KALRN: variants seen among roughly 807,000 people sequenced by gnomAD.
KALRN encodes kalirin RhoGEF kinase.
KALRN carries 70 observed loss-of-function variants against 353.7 expected under a neutral mutation model. That is an observed-to-expected ratio of 0.20 (90% CI 0.16 to 0.24). The LOEUF (loss-of-function observed/expected upper bound fraction) is 0.24, where lower values mean the gene tolerates loss of function less well. Ranked by LOEUF, KALRN falls within the 10% of genes least tolerant of loss-of-function variation. The pLI is 1.00. For synonymous variants in KALRN, 1,391 were observed against 1,434.8 expected (o/e 0.97, Z 0.69); for missense variants, 2,791 against 3,756.7 (o/e 0.74, Z 6.72).
chr3:124,655,159 C>G (rs952765475), intron 38 of KALRN, among the ~76,000 whole-genome samples: 1 of 152,204 alleles, frequency 6.6e-6, no homozygotes, highest in Non-Finnish European at 1.5e-5. Flanking sequence ...AAATGTCTTT[C>G]TCTTCTTGTT....
intron 57 of KALRN, among the ~76,000 whole-genome samples, chr3:124,703,517 T>C (rs2062447661): frequency 6.6e-6 from 1 of 152,368 alleles, no homozygotes; most frequent in African/African-American, 2.4e-5. Context: ...AGATCGGTTA[T>C]TGCTATGTTG....
intron 28 of KALRN, among the ~76,000 whole-genome samples, chr3:124,484,917 A>G (rs2062385543): frequency 6.6e-6 from 1 of 152,142 alleles, no homozygotes; most frequent in Non-Finnish European, 1.5e-5. Context: ...CAGCCTGGCC[A>G]ACATGGCGAA....
At chr3:124,100,340 C>G (rs2061761292) in intron 1 of KALRN, 3 of 152,172 alleles carry the variant, frequency 2.0e-5, no homozygotes, top group African/African-American at 7.2e-5. Context: ...TGTCTCTTCA[C>G]TCTGTTGATT....
At chr3:124,535,737 A>G (rs2068451926) in intron 33 of KALRN, among the ~76,000 whole-genome samples, 1 of 152,246 alleles carries the variant, frequency 6.6e-6, no homozygotes. Flanking sequence ...TTGGCTGCAT[A>G]TAAAAGAAAA....
At chr3:124,237,552 G>C (rs539438059) in intron 3 of KALRN, among the ~76,000 whole-genome samples, 1 of 151,990 alleles carries the variant, frequency 6.6e-6, no homozygotes, top group African/African-American at 2.4e-5. Context: ...TATTAGAGAT[G>C]GGGTTTCACT....
chr3:124,075,622 T>G (rs2060222518), intron 1 of KALRN, among the ~76,000 whole-genome samples: 1 of 152,212 alleles, frequency 6.6e-6, no homozygotes, highest in Non-Finnish European at 1.5e-5. Flanking sequence ...ATGTTTGCTT[T>G]CTTGAGGGTC....
chr3:124,441,841 A>C (rs1235584826), intron 18 of KALRN, 104 bp from the exon 19 acceptor site: 2 of 701,992 alleles, frequency 2.8e-6, no homozygotes, highest in Non-Finnish European at 4.6e-6. Context: ...AGAAAAAAAA[A>C]AAAAGCAAAA....
chr3:124,429,750 A>G (rs1560911911), intron 15 of KALRN, among the ~76,000 whole-genome samples: 1 of 152,236 alleles, frequency 6.6e-6, no homozygotes, highest in Non-Finnish European at 1.5e-5. Context: ...GATTGTTAAC[A>G]TCACATAGAA....
chr3:124,598,414 C>G (rs2076468905), intron 34 of KALRN, among the ~76,000 whole-genome samples: 1 of 152,178 alleles, frequency 6.6e-6, no homozygotes, highest in African/African-American at 2.4e-5. Context: ...CTAATTTAAT[C>G]CAGTCCTGTG....
At chr3:124,671,638 A>G in intron 47 of KALRN, 22 bp from the exon 48 acceptor site, 1 of 1,563,216 alleles carries the variant, frequency 6.4e-7, no homozygotes, top group Non-Finnish European at 8.8e-7. Flanking sequence ...GCTTAGAGTA[A>G]CCACCTGCTC....
chr3:124,636,990 T>TA, intron 36 of KALRN: 1 of 559,608 alleles, frequency 1.8e-6, no homozygotes, highest in South Asian at 2.0e-5. Flanking sequence ...GATAGCCTAG[T>TA]ACCATCCATT....
intron 1 of KALRN, among the ~76,000 whole-genome samples, chr3:124,227,027 C>T (rs1278296041): frequency 6.6e-6 from 1 of 152,034 alleles, no homozygotes; most frequent in Non-Finnish European, 1.5e-5. Context: ...CTGTGGGGTT[C>T]TTAGGTTAAA....
At chr3:124,434,572 G>T (rs1259030508) in intron 17 of KALRN, 47 bp downstream of exon 17, 2 of 1,565,386 alleles carry the variant, frequency 1.3e-6, no homozygotes, top group Non-Finnish European at 1.8e-6. Context: ...TTGCCAGGGG[G>T]CCATTTTCTG....
chr3:124,614,935 T>C (rs1288377223), intron 34 of KALRN, among the ~76,000 whole-genome samples: 3 of 152,230 alleles, frequency 2.0e-5, no homozygotes, highest in Non-Finnish European at 2.9e-5. Context: ...CCTCTTCTCA[T>C]GTTTGTGATC....
rs554167001 is a variant in KALRN, at chr3:124,330,756, G to T, written c.1416+764G>T. ...AGAGATGGGCTGATTAAGGAAGCTG[G>T]ATGAGGAGAAGAAGTGAATTCACAT... On this transcript the variant is annotated intron_variant, in intron 8 of 59. Coordinates refer to ENST00000682506, the MANE Select transcript of KALRN (RefSeq NM_001388419.1). 3.3e-5 allele frequency among the ~76,000 whole-genome samples: 5 copies of T among 152,318 alleles called. No individual in the cohort carries two copies. In the East Asian group the frequency reaches 9.6e-4, roughly 29 times the overall value.
In KALRN at chr3:124,348,972, G is replaced by A. The variant is rs965790553; in HGVS notation, c.1770+1707G>A. 2.0e-5 allele frequency among the ~76,000 whole-genome samples: 3 copies of A among 152,158 alleles called. 1 individual carries two copies. Among genetic ancestry groups the A allele is most frequent in the African/African-American group, 7.2e-5 (3 of 41,430 alleles). ...GACCTCAAGTGATCCACCCACCTCA[G>A]CCTCCCAAAGTGCAGGGATTACAGG... is the stretch of plus-strand genomic sequence containing the variant. On this transcript the variant is annotated intron_variant, in intron 10 of 59. Transcript: ENST00000682506.
At chr3:124,458,143 G>A (rs1010133516) in intron 23 of KALRN, among the ~76,000 whole-genome samples, 28 of 152,010 alleles carry the variant, frequency 1.8e-4, no homozygotes, top group African/African-American at 5.1e-4. Flanking sequence ...GGGCATGGTA[G>A]CACACGCCTG....
chr3:124,468,605 T>A (rs2060580254), intron 25 of KALRN, among the ~76,000 whole-genome samples: 1 of 152,230 alleles, frequency 6.6e-6, no homozygotes, highest in Admixed American at 6.5e-5. Flanking sequence ...CATAGAATTA[T>A]CAAATATAAA....
At chr3:124,421,554 C>G (rs2092784170) in intron 14 of KALRN, among the ~76,000 whole-genome samples, 1 of 152,124 alleles carries the variant, frequency 6.6e-6, no homozygotes, top group Non-Finnish European at 1.5e-5. Context: ...TACATATGAG[C>G]AAAATGAGGC....
Sources: gnomAD v4.1 joint callset for allele counts (sites outside exome capture counted in the v4.1 genomes callset) on GRCh38, gnomAD v4.1.1 for gene constraint, MANE v1.5 for transcripts, NCBI Gene and HGNC (gene_info 2026-07-23, HGNC 2026-07-21) for gene names.